The following TBC1D22A variants were observed in gnomAD, a reference collection of about 807,000 sequenced individuals.
TBC1D22A encodes the protein putative GTPase activator.
In TBC1D22A, 38 loss-of-function variants were observed where a neutral mutation model predicts 60.2. That is an observed-to-expected ratio of 0.63 (90% CI 0.49 to 0.83). The LOEUF is 0.83. TBC1D22A is among the 40% of genes least tolerant of loss of function. TBC1D22A has a pLI of 0.00. For missense variants in TBC1D22A, 628 were observed against 701.0 expected (o/e 0.90, Z 1.18); for synonymous variants, 302 against 281.7 (o/e 1.07, Z -0.72).
At chr22:46,904,659 G>A (rs2069320704) in intron 7 of TBC1D22A, among the ~76,000 whole-genome samples, 3 of 151,522 alleles carry the variant, frequency 2.0e-5, no homozygotes, top group Admixed American at 6.6e-5. Context: ...GTAGAGATGG[G>A]GTTTCTCCAT....
In TBC1D22A at chr22:46,793,668, A is replaced by G; in HGVS notation, c.287A>G (p.Glu96Gly). Reference sequence around the variant, plus strand: ...AGCCTGAACTCCGAGGTGGTCATGGAGACGGCCAACCGTGTGCTGCGTAAC... The same window carrying G: ...AGCCTGAACTCCGAGGTGGTCATGGGGACGGCCAACCGTGTGCTGCGTAAC... Reference protein sequence around the residue: ...AESLNSEVVMETANRVLRNHS... With the variant: ...AESLNSEVVMGTANRVLRNHS... Residue 96 changes from glutamate (E) to glycine (G), a missense_variant, in exon 3 of 13, where the codon GAG becomes GGG. Coordinates refer to ENST00000337137, the MANE Select transcript of TBC1D22A (RefSeq NM_014346.5). 6.2e-7 allele frequency: 1 copy of G among 1,613,304 alleles called. No individual in the cohort carries two copies. The highest frequency in any genetic ancestry group is 8.5e-7 in the Non-Finnish European group (1 of 1,180,024).
intron 12 of TBC1D22A, among the ~76,000 whole-genome samples, chr22:47,139,273 C>G (rs2066992664): frequency 6.6e-6 from 1 of 152,232 alleles, no homozygotes; most frequent in Admixed American, 6.5e-5. Context: ...CCGCACGGAA[C>G]TGTGTGTCTG....
intron 3 of TBC1D22A, 46 bp downstream of exon 3, chr22:46,793,887 T>A (rs2084536766): frequency 2.0e-6 from 3 of 1,478,608 alleles, no homozygotes; most frequent in Non-Finnish European, 2.7e-6. Context: ...CTGGCCAAGC[T>A]AAGAAAGTGG....
intron 11 of TBC1D22A, among the ~76,000 whole-genome samples, chr22:47,070,307 T>C (rs112076686): frequency 9.3e-3 from 778 of 83,492 alleles, no homozygotes; most frequent in African/African-American, 0.027. Flanking sequence ...CGGAGCTGAC[T>C]TGATGGTTCC....
intron 10 of TBC1D22A, among the ~76,000 whole-genome samples, chr22:47,016,060 G>T (rs1237858105): frequency 5.9e-5 from 9 of 152,200 alleles, no homozygotes; most frequent in Non-Finnish European, 2.9e-5. Context: ...TGAAGAGTCA[G>T]CAGCATGCAC....
intron 8 of TBC1D22A, among the ~76,000 whole-genome samples, chr22:46,964,895 A>G (rs1345468485): frequency 6.6e-6 from 1 of 152,248 alleles, no homozygotes; most frequent in African/African-American, 2.4e-5. Context: ...GACAGGGGCC[A>G]CAGCCACGCT....
At chr22:47,024,193 C>A (rs2062177814) in intron 10 of TBC1D22A, among the ~76,000 whole-genome samples, 1 of 152,114 alleles carries the variant, frequency 6.6e-6, no homozygotes, top group Non-Finnish European at 1.5e-5. Flanking sequence ...CTTACAGTCA[C>A]CGCTAACATA....
intron 1 of TBC1D22A, among the ~76,000 whole-genome samples, chr22:46,785,780 A>G (rs2084134232): frequency 6.6e-6 from 1 of 152,152 alleles, no homozygotes; most frequent in Admixed American, 6.6e-5. Context: ...TTGTATCACT[A>G]CTTTTGTTTT....
chr22:46,832,758 T>G (rs913369452), intron 4 of TBC1D22A, among the ~76,000 whole-genome samples: 2 of 152,230 alleles, frequency 1.3e-5, no homozygotes, highest in African/African-American at 4.8e-5. Flanking sequence ...TTGGCTGATG[T>G]TTGGATATCT....
intron 4 of TBC1D22A, among the ~76,000 whole-genome samples, chr22:46,872,652 G>C (rs1314254616): frequency 6.6e-6 from 1 of 152,180 alleles, no homozygotes; most frequent in Non-Finnish European, 1.5e-5. Context: ...CATAAGTGGG[G>C]GAACCCTAAT....
chr22:47,069,065 AC>A (rs1395491176), intron 11 of TBC1D22A, among the ~76,000 whole-genome samples: 1 of 152,184 alleles, frequency 6.6e-6, no homozygotes, highest in Non-Finnish European at 1.5e-5. Context: ...CTGTTTTTCA[AC>A]CCACAATGGC....
chr22:47,014,371 C>G (rs1443332154), intron 10 of TBC1D22A, among the ~76,000 whole-genome samples: 1 of 152,150 alleles, frequency 6.6e-6, no homozygotes, highest in African/African-American at 2.4e-5. Flanking sequence ...TCTGATGACT[C>G]CCATAGCCGC....
chr22:46,929,171 C>T (rs1330764539), intron 8 of TBC1D22A, among the ~76,000 whole-genome samples: 2 of 152,184 alleles, frequency 1.3e-5, no homozygotes, highest in Non-Finnish European at 2.9e-5. Flanking sequence ...ATGTAATTGG[C>T]AGCTTCCTAT....
intron 10 of TBC1D22A, among the ~76,000 whole-genome samples, chr22:47,020,560 G>A (rs1456232615): frequency 1.3e-5 from 2 of 151,954 alleles, no homozygotes; most frequent in African/African-American, 4.9e-5. Context: ...GAGCTTTCTT[G>A]TTCCTCTCCT....
At chr22:46,918,274 T>TGGTGCAG (rs1027244811) in intron 8 of TBC1D22A, among the ~76,000 whole-genome samples, 1 of 152,190 alleles carries the variant, frequency 6.6e-6, no homozygotes, top group Non-Finnish European at 1.5e-5. Context: ...GAGAGGGAGA[T>TGGTGCAG]GGTGCAGGGT....
intron 11 of TBC1D22A, among the ~76,000 whole-genome samples, chr22:47,044,006 G>GATGCTGGGGA (rs2062944370): frequency 1.3e-5 from 2 of 152,074 alleles, no homozygotes; most frequent in African/African-American, 4.8e-5. Context: ...GAGCAGGGCA[G>GATGCTGGGGA]GGCTCCGCCT....
intron 1 of TBC1D22A, chr22:46,768,316 C>G (rs1028797516): frequency 2.0e-5 from 3 of 152,114 alleles, no homozygotes; most frequent in Admixed American, 2.0e-4. Context: ...GAAACCCCGT[C>G]TCTACTAAAA....
intron 10 of TBC1D22A, among the ~76,000 whole-genome samples, chr22:46,999,186 C>T (rs1191102281): frequency 6.6e-6 from 1 of 152,212 alleles, no homozygotes. Context: ...TTGATTTTCT[C>T]TGGTGCTGTG....
At chr22:47,127,026 G>A (rs919882883) in intron 12 of TBC1D22A, among the ~76,000 whole-genome samples, 5 of 152,112 alleles carry the variant, frequency 3.3e-5, no homozygotes, top group African/African-American at 9.7e-5. Context: ...ACATACACAC[G>A]TGTGCGTGCA....
Sources: gnomAD v4.1 joint callset for allele counts (sites outside exome capture counted in the v4.1 genomes callset) on GRCh38, gnomAD v4.1.1 for gene constraint, MANE v1.5 for transcripts, NCBI Gene and HGNC (gene_info 2026-07-23, HGNC 2026-07-21) for gene names.